The following WDPCP variants were observed in gnomAD, a reference collection of about 807,000 sequenced individuals.
WDPCP encodes WD repeat containing planar cell polarity effector.
A neutral mutation model predicts 93.1 loss-of-function variants in WDPCP; 71 were observed. That is an observed-to-expected ratio of 0.76 (90% CI 0.63 to 0.93). The LOEUF is 0.93. WDPCP is among the 40% of genes least tolerant of loss of function. The pLI is 0.00. For synonymous variants in WDPCP, 315 were observed against 315.0 expected, an observed-to-expected ratio of 1.00 and a Z score of 0.00; for missense variants, 844 against 887.4, an observed-to-expected ratio of 0.95 and a Z score of 0.62.
At chr2:63,476,381 T>A (rs1699973503) in intron 6 of WDPCP, among the ~76,000 whole-genome samples, 2 of 152,196 alleles carry the variant, frequency 1.3e-5, no homozygotes, top group Non-Finnish European at 2.9e-5. Context: ...TATTTAAGTC[T>A]CAATTAATAT....
At chr2:63,245,707 C>G (rs1680217762) in intron 14 of WDPCP, among the ~76,000 whole-genome samples, 1 of 152,034 alleles carries the variant, frequency 6.6e-6, no homozygotes, top group Admixed American at 6.6e-5. Flanking sequence ...TTGAAGGGAA[C>G]TGTGGATATT....
chr2:63,502,736 C>G (rs946536561), intron 1 of WDPCP, among the ~76,000 whole-genome samples: 1 of 151,062 alleles, frequency 6.6e-6, no homozygotes, highest in East Asian at 1.9e-4. Context: ...AAATTTTTTT[C>G]ACTAACATAT....
At chr2:63,224,708 T>C (rs1487619085) in intron 14 of WDPCP, among the ~76,000 whole-genome samples, 2 of 151,898 alleles carry the variant, frequency 1.3e-5, no homozygotes, top group Non-Finnish European at 2.9e-5. Flanking sequence ...AATAAAAGCA[T>C]CAGTGGTTAC....
intron 2 of WDPCP, among the ~76,000 whole-genome samples, chr2:63,780,306 T>C (rs953974202): frequency 1.4e-4 from 21 of 152,166 alleles, no homozygotes; most frequent in African/African-American, 5.1e-4. Context: ...ACATTTTAGT[T>C]TGATGAATGC....
chr2:63,373,042 GA>G (rs2104797080), intron 12 of WDPCP, among the ~76,000 whole-genome samples: 1 of 152,172 alleles, frequency 6.6e-6, no homozygotes, highest in African/African-American at 2.4e-5. Flanking sequence ...AGAATCGCTT[GA>G]ACCTGGGAGG....
intron 1 of WDPCP, among the ~76,000 whole-genome samples, chr2:63,822,796 G>A (rs930262215): frequency 2.0e-5 from 3 of 151,700 alleles, no homozygotes; most frequent in Admixed American, 2.0e-4. Context: ...TGAAGTGGGA[G>A]GATTGCTTGA....
intron 10 of WDPCP, among the ~76,000 whole-genome samples, chr2:63,397,666 T>A (rs7601224): frequency 0.48 from 72,383 of 151,846 alleles, 17,625 homozygotes; most frequent in African/African-American, 0.53. Context: ...GTGGGAGTGG[T>A]CAGCAACCAT....
intron 2 of WDPCP, among the ~76,000 whole-genome samples, chr2:63,794,770 G>A (rs906272384): frequency 6.6e-6 from 1 of 152,194 alleles, no homozygotes; most frequent in Admixed American, 6.5e-5. Flanking sequence ...TCTAAGTGAT[G>A]CAATTTCCTA....
intron 12 of WDPCP, among the ~76,000 whole-genome samples, chr2:63,354,483 A>G (rs907203178): frequency 1.3e-5 from 2 of 152,200 alleles, no homozygotes; most frequent in Non-Finnish European, 2.9e-5. Context: ...CATTCAGAGC[A>G]CTAATAGGGA....
chr2:63,505,154 T>A (rs1701790394), intron 1 of WDPCP, among the ~76,000 whole-genome samples: 2 of 152,082 alleles, frequency 1.3e-5, no homozygotes, highest in South Asian at 4.1e-4. Flanking sequence ...CTGCAGTGAA[T>A]TCTTTAATAT....
chr2:63,505,844 T>G (rs1015700443), intron 1 of WDPCP, among the ~76,000 whole-genome samples: 16 of 152,058 alleles, frequency 1.1e-4, no homozygotes, highest in Non-Finnish European at 1.6e-4. Context: ...ATTCACAATA[T>G]GAAGTTAACA....
chr2:63,393,725 G>C (rs1015899926), intron 10 of WDPCP, among the ~76,000 whole-genome samples: 2 of 151,898 alleles, frequency 1.3e-5, no homozygotes, highest in Non-Finnish European at 2.9e-5. Flanking sequence ...TACAAAAACA[G>C]ACACAGAGAC....
intron 17 of WDPCP, among the ~76,000 whole-genome samples, chr2:63,138,553 T>C (rs536936066): frequency 1.3e-5 from 2 of 151,538 alleles, no homozygotes; most frequent in South Asian, 4.2e-4. Context: ...CCGGGGTTCA[T>C]GCCATTCTCC....
chr2:63,192,429 G>A (rs1318700536), intron 14 of WDPCP, among the ~76,000 whole-genome samples: 2 of 152,190 alleles, frequency 1.3e-5, no homozygotes, highest in Non-Finnish European at 2.9e-5. Context: ...GAGACTCCTG[G>A]TTGCTAGGTA....
At chr2:63,277,768 G>A (rs746822348) in intron 13 of WDPCP, among the ~76,000 whole-genome samples, 8 of 152,108 alleles carry the variant, frequency 5.3e-5, no homozygotes, top group East Asian at 1.9e-4. Flanking sequence ...ATTACTACTA[G>A]ACCTAAGAAA....
intron 14 of WDPCP, among the ~76,000 whole-genome samples, chr2:63,237,449 T>A (rs1032469857): frequency 5.3e-5 from 8 of 152,164 alleles, no homozygotes; most frequent in Non-Finnish European, 4.4e-5. Context: ...TGAGTTGAAC[T>A]ACAATTACAT....
At chr2:63,768,372 T>C (rs1431861074) in intron 2 of WDPCP, among the ~76,000 whole-genome samples, 5 of 151,906 alleles carry the variant, frequency 3.3e-5, no homozygotes, top group Non-Finnish European at 7.4e-5. Context: ...TTTTGGCTAT[T>C]CCAGGTCCTC....
intron 1 of WDPCP, among the ~76,000 whole-genome samples, chr2:63,816,770 A>C (rs1438588340): frequency 6.6e-6 from 1 of 152,234 alleles, no homozygotes; most frequent in Non-Finnish European, 1.5e-5. Flanking sequence ...TGGTATATTC[A>C]TAAAATGGAA....
At chr2:63,392,074 C>T (rs1693302661) in intron 10 of WDPCP, among the ~76,000 whole-genome samples, 1 of 152,150 alleles carries the variant, frequency 6.6e-6, no homozygotes, top group South Asian at 2.1e-4. Context: ...GCTTGCATTG[C>T]CAAGACAATC....
Sources: allele counts gnomAD v4.1 joint callset (sites outside exome capture counted in the v4.1 genomes callset), GRCh38; gene constraint gnomAD v4.1.1; transcripts MANE v1.5; gene names NCBI Gene and HGNC (gene_info 2026-07-23, HGNC 2026-07-21).